Variants in TVP23A observed in about 807,000 individuals in gnomAD.
TVP23A encodes trans-golgi network vesicle protein 23 homolog A.
Under a neutral mutation model 31.7 loss-of-function variants are expected in TVP23A, and 21 were observed. The observed-to-expected ratio is 0.66, with a 90% CI of 0.47 to 0.95. The LOEUF is 0.95. Ranked by LOEUF, TVP23A falls within the 40% of genes least tolerant of loss-of-function variation. The probability of loss-of-function intolerance (pLI) is 0.00; values close to 1 mark genes in which losing one functional copy is unlikely to be tolerated. For synonymous variants in TVP23A, 104 were observed against 96.0 expected, an observed-to-expected ratio of 1.08 and a Z score of -0.49; for missense variants, 279 against 255.6, an observed-to-expected ratio of 1.09 and a Z score of -0.62.
chr16:10,804,486 G>A (rs1004877135), intron 2 of TVP23A, among the ~76,000 whole-genome samples: 1 of 152,188 alleles, frequency 6.6e-6, no homozygotes, highest in African/African-American at 2.4e-5. Flanking sequence ...AGTAGCTCAT[G>A]CCTGGAATCC....
chr16:10,784,077 A>T (rs1238178420), intron 2 of TVP23A, among the ~76,000 whole-genome samples: 1 of 152,056 alleles, frequency 6.6e-6, no homozygotes, highest in Non-Finnish European at 1.5e-5. Context: ...ATGCCTGCCT[A>T]CAATCCCAGC....
Position 10,773,451 on chromosome 16 carries a change from G to A in TVP23A, c.325-10C>T, listed in dbSNP as rs772245940. 2.9e-5 allele frequency: 46 copies of A among 1,572,680 alleles called. No homozygotes were observed. The South Asian group carries it at 3.3e-4, about 11-fold the overall frequency. On this transcript the variant is annotated splice_polypyrimidine_tract_variant and intron_variant, in intron 4 of 7. Coordinates refer to ENST00000299866, the MANE Select transcript of TVP23A (RefSeq NM_001079512.4). Reference sequence around the variant, plus strand: ...TGCTATTCGGAGAGACCTGTTAAAGGAAAGTAATTCAAATGTCAAAACAAG... The same window carrying A: ...TGCTATTCGGAGAGACCTGTTAAAGAAAAGTAATTCAAATGTCAAAACAAG...
chr16:10,793,806 C>T (rs182460315), intron 2 of TVP23A, among the ~76,000 whole-genome samples: 4 of 129,284 alleles, frequency 3.1e-5, no homozygotes, highest in Non-Finnish European at 6.3e-5. Context: ...GGCTGAAGTG[C>T]GAGGACTGAT....
At chr16:10,787,346 C>T (rs1418510423) in intron 2 of TVP23A, among the ~76,000 whole-genome samples, 1 of 152,158 alleles carries the variant, frequency 6.6e-6, no homozygotes, top group Non-Finnish European at 1.5e-5. Flanking sequence ...CAGCTGCAGA[C>T]AAGCAAGCTG....
chr16:10,794,934 T>G (rs148629883), intron 2 of TVP23A, among the ~76,000 whole-genome samples: 1,534 of 151,828 alleles, frequency 0.01, 24 homozygotes, highest in African/African-American at 0.029. Context: ...AGAGAGCTAG[T>G]AACACAGGCG....
chr16:10,808,283 T>C (rs939844416), intron 2 of TVP23A, among the ~76,000 whole-genome samples: 1 of 152,224 alleles, frequency 6.6e-6, no homozygotes, highest in African/African-American at 2.4e-5. Context: ...TGTCCAGGAC[T>C]GCTTTTGTAT....
chr16:10,759,486 G>A (rs1038087935), downstream of TVP23A, among the ~76,000 whole-genome samples: 1 of 152,192 alleles, frequency 6.6e-6, no homozygotes, highest in African/African-American at 2.4e-5. The surrounding 1 kb of genome is among the most constrained non-coding windows in gnomAD (Gnocchi z 4.7). Flanking sequence ...TTTAAAAAGT[G>A]GTTGGTGCTG....
Position 10,771,877 on chromosome 16 carries a change from G to C in TVP23A, c.454-79C>G, listed in dbSNP as rs1475371139. On this transcript the variant is annotated intron_variant, in intron 5 of 7. Transcript: ENST00000299866. ...TCTGTCGCCCAGGCTGGGGTGCAGA[G>C]GCACGATCTCAGCTCACTGCAAGTT... The C allele has an allele frequency of 3.3e-6, 5 of 1,513,058 alleles. No homozygotes were observed. The African/African-American group carries it at 6.9e-5, about 21-fold the overall frequency. The allele number at this position is 1,513,058 out of a possible 1,614,324, so 93.7% of individuals were successfully genotyped here. A position where few individuals can be genotyped will look rare whatever the true frequency, so the allele number is the denominator to read the frequency against.
rs58142989 is a variant in TVP23A, at chr16:10,816,925, T to TCACACACA, written c.89+1170_89+1177dup. Among the ~76,000 whole-genome samples the TCACACACA allele has an allele frequency of 1.0e-3, 147 of 145,910 alleles. 1 individual carries two copies. In the South Asian group the frequency reaches 0.012, roughly 12 times the overall value. ...AAAAAGAAAGAGGCACAGGGAAACT[T>TCACACACA]CACACACACACACACACACACACAC... On this transcript the variant is annotated intron_variant, in intron 2 of 7. Transcript: ENST00000299866.
chr16:10,780,434 G>C (rs928625673), intron 2 of TVP23A, among the ~76,000 whole-genome samples: 13 of 152,116 alleles, frequency 8.5e-5, no homozygotes, highest in African/African-American at 3.1e-4. Context: ...ACTCTAGGTG[G>C]GCTTTTGTCA....
rs758669046 is a variant in TVP23A, at chr16:10,770,227, G to A, written c.*45C>T. 5.2e-5 allele frequency: 81 copies of A among 1,547,368 alleles called. No homozygotes were observed. In the Admixed American group the frequency reaches 1.5e-3, roughly 28 times the overall value. ...TGTGCCCCAAGAGCTGCATTTTTCA[G>A]AATTCCCCAGTTCCTCCACACGGGT... is the stretch of plus-strand genomic sequence containing the variant. On this transcript the variant is annotated intron_variant, in intron 7 of 7. Coordinates refer to ENST00000299866, the MANE Select transcript of TVP23A (RefSeq NM_001079512.4).
chr16:10,791,282 T>C (rs2033088994), intron 2 of TVP23A, among the ~76,000 whole-genome samples: 1 of 152,142 alleles, frequency 6.6e-6, no homozygotes, highest in South Asian at 2.1e-4. Flanking sequence ...ATAAGTAGGG[T>C]GTTGCTATTT....
rs146871432 is a variant in TVP23A, at chr16:10,785,205, G to A, written c.90-10109C>T. Among the ~76,000 whole-genome samples, 699 of 152,122 alleles carry A rather than the reference G, an allele frequency of 4.6e-3. 6 individuals carry two copies. The highest frequency in any genetic ancestry group is 0.016 in the African/African-American group (661 of 41,480). Reference sequence around the variant, plus strand: ...GGATCACCTGAGGTCAGGAGCTCACGACCAGCCTGGCCAACATGGTGAAAC... The same window carrying A: ...GGATCACCTGAGGTCAGGAGCTCACAACCAGCCTGGCCAACATGGTGAAAC... On this transcript the variant is annotated intron_variant, in intron 2 of 7. Transcript: ENST00000299866.
At chr16:10,804,402 AGGCAACTCCT>A (rs1318043275) in intron 2 of TVP23A, among the ~76,000 whole-genome samples, 4 of 152,234 alleles carry the variant, frequency 2.6e-5, no homozygotes, top group Middle Eastern at 3.2e-3. Flanking sequence ...GCTCACCCAC[AGGCAACTCCT>A]GGCAACTCCA....
intron 2 of TVP23A, among the ~76,000 whole-genome samples, chr16:10,788,820 C>T (rs1026369298): frequency 6.6e-6 from 1 of 152,182 alleles, no homozygotes; most frequent in Non-Finnish European, 1.5e-5. Flanking sequence ...GTGGGCTTAA[C>T]AAGGAGCCTG....
Position 10,799,338 on chromosome 16 carries a change from G to C in TVP23A, c.89+18765C>G, listed in dbSNP as rs141560027. Reference sequence around the variant, plus strand: ...CTCTAATGTTGAAGAAGTTCTTTTTGTTTTTGTTTGCTTGAGACAGAGTCT... The same window carrying C: ...CTCTAATGTTGAAGAAGTTCTTTTTCTTTTTGTTTGCTTGAGACAGAGTCT... On this transcript the variant is annotated intron_variant, in intron 2 of 7. Coordinates refer to ENST00000299866, the MANE Select transcript of TVP23A (RefSeq NM_001079512.4). Among the ~76,000 whole-genome samples the C allele has an allele frequency of 5.3e-5, 8 of 152,278 alleles. No homozygotes were observed. The East Asian group carries it at 1.5e-3, about 29-fold the overall frequency.
rs533400522 is a variant in TVP23A at position 10,769,189 on chromosome 16, G to C, written c.*1-88C>G. 6.4e-5 allele frequency: 81 copies of C among 1,271,580 alleles called. No individual in the cohort carries two copies. In the African/African-American group the frequency reaches 1.1e-3, roughly 17 times the overall value. The allele number at this position is 1,271,580 out of a possible 1,614,324, so 78.8% of individuals were successfully genotyped here. On this transcript the variant is annotated intron_variant, in intron 7 of 7. Transcript: ENST00000299866. Reference sequence around the variant, plus strand: ...TCCAGCCAGACCCGACCAGCTCCGGGATGGGGTGGGTCACAGCAAAAGGAC... The same window carrying C: ...TCCAGCCAGACCCGACCAGCTCCGGCATGGGGTGGGTCACAGCAAAAGGAC...
Position 10,777,426 on chromosome 16 carries a change from C to G in TVP23A, c.90-2330G>C, listed in dbSNP as rs545024196. ...TTGTGGGCTTTGGAAAATGCGGGGC[C>G]GAATGGGGTGGTCACAGAGATCCAC... On this transcript the variant is annotated intron_variant, in intron 2 of 7. Coordinates refer to ENST00000299866, the MANE Select transcript of TVP23A (RefSeq NM_001079512.4). This position sits in a 1 kb window ranked among gnomAD's most constrained non-coding sequence, Gnocchi z 4.5. Among the ~76,000 whole-genome samples, 1 of 139,298 alleles carries G rather than the reference C, an allele frequency of 7.2e-6. No homozygotes were observed. Among genetic ancestry groups the G allele is most frequent in the African/African-American group, 2.6e-5 (1 of 37,978 alleles). The allele number at this position is 139,298 out of a possible 152,430, so 91.4% of individuals were successfully genotyped here. A position where few individuals can be genotyped will look rare whatever the true frequency, so the allele number is the denominator to read the frequency against.
intron 2 of TVP23A, among the ~76,000 whole-genome samples, chr16:10,801,911 C>T (rs970534567): frequency 6.6e-6 from 1 of 152,084 alleles, no homozygotes; most frequent in African/African-American, 2.4e-5. Flanking sequence ...TGGCTTAAGC[C>T]TGTAATCCCA....
Sources: gnomAD v4.1 joint callset for allele counts (sites outside exome capture counted in the v4.1 genomes callset) on GRCh38, gnomAD v4.1.1 for gene constraint, Gnocchi (gnomAD v3.1) non-coding constraint, MANE v1.5 for transcripts, NCBI Gene and HGNC (gene_info 2026-07-23, HGNC 2026-07-21) for gene names.